The following WIF1 variants were observed in gnomAD, a reference collection of about 807,000 sequenced individuals.
WIF1 encodes Wnt inhibitory factor 1.
Under a neutral mutation model 53.5 loss-of-function variants are expected in WIF1, and 35 were observed. The observed-to-expected ratio is 0.65, with a 90% confidence interval of 0.50 to 0.87. The LOEUF (loss-of-function observed/expected upper bound fraction) is 0.87. WIF1 is among the 40% of genes least tolerant of loss of function. WIF1 has a pLI of 0.00. For synonymous variants in WIF1, 171 were observed against 170.4 expected (o/e 1.00, Z -0.03); for missense variants, 467 against 476.8 (o/e 0.98, Z 0.19).
intron 2 of WIF1, among the ~76,000 whole-genome samples, chr12:65,113,383 T>G (rs1272814384): frequency 1.3e-5 from 2 of 152,234 alleles, no homozygotes; most frequent in Non-Finnish European, 2.9e-5. Context: ...TATCATACCT[T>G]TCTGCTTCAC....
Position 65,069,890 on chromosome 12 carries a change from T to C in WIF1, c.398-986A>G, listed in dbSNP as rs78949149. 6.0e-3 allele frequency among the ~76,000 whole-genome samples: 915 copies of C among 152,306 alleles called. 12 individuals are homozygous for C. The highest frequency in any genetic ancestry group is 0.031 in the Middle Eastern group (9 of 294). On this transcript the variant is annotated intron_variant, in intron 3 of 9. Transcript: ENST00000286574. ...ACATATCCACTGGGTAAGACTGATA[T>C]AGCAGATCCACCAGACTCTTGTTCT...
intron 2 of WIF1, among the ~76,000 whole-genome samples, chr12:65,112,957 C>A (rs1436034064): frequency 6.6e-6 from 1 of 152,204 alleles, no homozygotes; most frequent in African/African-American, 2.4e-5. Flanking sequence ...CCCAGCCAAT[C>A]CTGTACTTCC....
At chr12:65,084,032 G>T (rs868705928) in intron 2 of WIF1, among the ~76,000 whole-genome samples, 1 of 151,714 alleles carries the variant, frequency 6.6e-6, no homozygotes, top group Non-Finnish European at 1.5e-5. Flanking sequence ...GCTGCCAATG[G>T]TCTTGTTATT....
chr12:65,060,267 G>A (rs1167880655), intron 7 of WIF1, among the ~76,000 whole-genome samples: 3 of 152,166 alleles, frequency 2.0e-5, no homozygotes, highest in Admixed American at 1.3e-4. Context: ...CATATTATTC[G>A]TAATAGCCCC....
At chr12:65,076,049 G>A (rs933768766) in intron 3 of WIF1, among the ~76,000 whole-genome samples, 8 of 151,930 alleles carry the variant, frequency 5.3e-5, no homozygotes, top group African/African-American at 1.9e-4. Flanking sequence ...TCTTTTTTGA[G>A]ACTGACTTTT....
At chr12:65,091,056 A>G (rs2136629788) in intron 2 of WIF1, among the ~76,000 whole-genome samples, 1 of 152,268 alleles carries the variant, frequency 6.6e-6, no homozygotes, top group African/African-American at 2.4e-5. Context: ...AGTTCAAGTT[A>G]GCACATATAG....
rs140863203 is a variant in WIF1 at position 65,059,547 on chromosome 12, G to A, written c.826+2934C>T. 1.7e-3 allele frequency among the ~76,000 whole-genome samples: 265 copies of A among 152,212 alleles called. 4 individuals carry two copies. In the East Asian group the frequency reaches 0.042, roughly 24 times the overall value. On this transcript the variant is annotated intron_variant, in intron 7 of 9. Transcript: ENST00000286574. ...ATCCATGAGTCTTAGATAACAAGAT[G>A]TATGTACACACCATCCATCCAGATA... is the stretch of plus-strand genomic sequence containing the variant.
intron 2 of WIF1, among the ~76,000 whole-genome samples, chr12:65,080,441 C>T (rs974721228): frequency 9.2e-5 from 14 of 152,040 alleles, no homozygotes; most frequent in African/African-American, 3.1e-4. Context: ...GGAATGAATT[C>T]CTTTGAAAGA....
chr12:65,066,518 C>T, intron 6 of WIF1, 123 bp downstream of exon 6: 1 of 685,816 alleles, frequency 1.5e-6, no homozygotes, highest in Non-Finnish European at 2.2e-6. Flanking sequence ...CTATAGCAGC[C>T]ATCTTTACCC....
At chr12:65,108,105 A>G (rs952004376) in intron 2 of WIF1, among the ~76,000 whole-genome samples, 4 of 152,220 alleles carry the variant, frequency 2.6e-5, no homozygotes, top group African/African-American at 9.6e-5. Flanking sequence ...GTACTTTCAT[A>G]GCACCTTCTT....
At chr12:65,120,279 T>C (rs943550122) in intron 2 of WIF1, 138 bp downstream of exon 2, 4 of 905,238 alleles carry the variant, frequency 4.4e-6, no homozygotes, top group Non-Finnish European at 6.2e-6. Context: ...TGGAAATTAA[T>C]TCTTTATTTG....
At chr12:65,093,979 G>A (rs1341642094) in intron 2 of WIF1, among the ~76,000 whole-genome samples, 1 of 152,128 alleles carries the variant, frequency 6.6e-6, no homozygotes, top group Non-Finnish European at 1.5e-5. Context: ...TTAAAACCAT[G>A]GCAAACAGTG....
At chr12:65,072,346 T>G (rs1882797304) in intron 3 of WIF1, among the ~76,000 whole-genome samples, 1 of 152,206 alleles carries the variant, frequency 6.6e-6, no homozygotes, top group South Asian at 2.1e-4. Flanking sequence ...TAGCCTTTCC[T>G]AACACCCCTT....
At chr12:65,061,574 G>T (rs573045289) in intron 7 of WIF1, among the ~76,000 whole-genome samples, 48 of 152,332 alleles carry the variant, frequency 3.2e-4, no homozygotes, top group Middle Eastern at 6.8e-3. Context: ...TACATGACTT[G>T]CTGAGAGCTA....
intron 2 of WIF1, among the ~76,000 whole-genome samples, chr12:65,108,030 A>G (rs1232451467): frequency 6.6e-6 from 1 of 152,252 alleles, no homozygotes; most frequent in African/African-American, 2.4e-5. Flanking sequence ...TATGCTCTGA[A>G]GAACACCAGG....
intron 2 of WIF1, chr12:65,083,685 A>C (rs977498503): frequency 1.6e-5 from 5 of 315,630 alleles, no homozygotes; most frequent in South Asian, 1.4e-4. Flanking sequence ...GCTCATGTGC[A>C]TGGAGCCTGG....
At chr12:65,064,969 C>T (rs999283122) in intron 6 of WIF1, among the ~76,000 whole-genome samples, 1 of 152,104 alleles carries the variant, frequency 6.6e-6, no homozygotes, top group African/African-American at 2.4e-5. Flanking sequence ...TAATTCTCCT[C>T]TAGAATGCCC....
At chr12:65,089,647 C>T (rs1883094010) in intron 2 of WIF1, among the ~76,000 whole-genome samples, 2 of 152,144 alleles carry the variant, frequency 1.3e-5, no homozygotes, top group South Asian at 4.1e-4. Context: ...AACTTAGCCA[C>T]CAGCCTCTGT....
chr12:65,062,807 A>G (rs1882633540), intron 6 of WIF1, among the ~76,000 whole-genome samples: 1 of 152,140 alleles, frequency 6.6e-6, no homozygotes, highest in African/African-American at 2.4e-5. Context: ...CACCAGTAGG[A>G]GTTTCCATCT....
Sources: allele counts gnomAD v4.1 joint callset (sites outside exome capture counted in the v4.1 genomes callset), GRCh38; gene constraint gnomAD v4.1.1; transcripts MANE v1.5; gene names NCBI Gene and HGNC (gene_info 2026-07-23, HGNC 2026-07-21).